The following GPHN variants were observed in gnomAD, a reference collection of about 807,000 sequenced individuals.
GPHN encodes the protein gephyrin.
GPHN carries 17 observed loss-of-function variants against 95.5 expected under a neutral mutation model. That is an observed-to-expected ratio of 0.18 (90% CI 0.12 to 0.27). The LOEUF (loss-of-function observed/expected upper bound fraction) is 0.27, where lower values mean the gene tolerates loss of function less well. Among genes scored for constraint, GPHN ranks in the 10% least tolerant of loss-of-function variants. GPHN has a pLI of 1.00. For missense variants in GPHN, 660 were observed against 978.1 expected, an observed-to-expected ratio of 0.67 and a Z score of 4.34; for synonymous variants, 320 against 322.5, an observed-to-expected ratio of 0.99 and a Z score of 0.08.
chr14:67,578,593 G>C, the GPHN span: 2 of 1,611,874 alleles, frequency 1.2e-6, no homozygotes, highest in Non-Finnish European at 1.7e-6. The surrounding 1 kb of genome is among the most constrained non-coding windows in gnomAD (Gnocchi z 5.0). Context: ...ACTTCCTCTG[G>C]TATGTCAAGC....
the GPHN span, among the ~76,000 whole-genome samples, chr14:67,211,806 T>A: frequency 6.6e-6 from 1 of 152,102 alleles, no homozygotes; most frequent in East Asian, 1.9e-4. Context: ...ATCAAGCCAT[T>A]GCACTCCAGC....
the GPHN span, among the ~76,000 whole-genome samples, chr14:67,406,771 A>G: frequency 6.6e-6 from 1 of 152,190 alleles, no homozygotes; most frequent in South Asian, 2.1e-4. Flanking sequence ...GTTCTGCTCT[A>G]CAGATAAACC....
At chr14:67,584,147 G>GC in the GPHN span, 1 of 1,609,674 alleles carries the variant, frequency 6.2e-7, no homozygotes, top group African/African-American at 1.3e-5. Context: ...GGAAGGAGCT[G>GC]CCCACACCCT....
At chr14:67,165,058 GT>G (rs2082196623) in intron 19 of GPHN, 103 bp from the exon 20 acceptor site, 4 of 796,144 alleles carry the variant, frequency 5.0e-6, no homozygotes, top group South Asian at 4.3e-5. Flanking sequence ...ACAGAAAAGT[GT>G]TTTTTATATG....
chr14:67,533,037 G>A, the GPHN span, among the ~76,000 whole-genome samples: 1 of 152,092 alleles, frequency 6.6e-6, no homozygotes, highest in Non-Finnish European at 1.5e-5. Flanking sequence ...CAGCGGTGCG[G>A]AGAAGTGGGA....
the GPHN span, among the ~76,000 whole-genome samples, chr14:67,632,126 A>G: frequency 2.2e-3 from 328 of 152,146 alleles, 2 homozygotes; most frequent in Middle Eastern, 0.027. Context: ...GACTCAAGCA[A>G]TTTTCCCACC....
intron 2 of GPHN, among the ~76,000 whole-genome samples, chr14:66,702,895 G>A (rs551181252): frequency 2.6e-5 from 4 of 152,134 alleles, no homozygotes; most frequent in Non-Finnish European, 4.4e-5. Context: ...TAAGAACGTT[G>A]ATAAAAGGTT....
intron 2 of GPHN, among the ~76,000 whole-genome samples, chr14:66,682,481 G>GT (rs1264385985): frequency 6.6e-6 from 1 of 152,194 alleles, no homozygotes; most frequent in African/African-American, 2.4e-5. Context: ...GCCAGGCGTG[G>GT]TGGCTCATGC....
chr14:66,831,240 T>A (rs1204100636), intron 4 of GPHN, among the ~76,000 whole-genome samples: 6 of 152,144 alleles, frequency 3.9e-5, no homozygotes, highest in Non-Finnish European at 1.5e-5. Flanking sequence ...TTGTTTTTGA[T>A]AGAAAATTTG....
the GPHN span, among the ~76,000 whole-genome samples, chr14:67,366,769 A>G: frequency 6.6e-6 from 1 of 151,984 alleles, no homozygotes; most frequent in African/African-American, 2.4e-5. Context: ...ATAACTACCT[A>G]AAGACAATGA....
intron 5 of GPHN, among the ~76,000 whole-genome samples, chr14:66,882,939 T>C (rs575457044): frequency 4.0e-4 from 61 of 151,894 alleles, no homozygotes; most frequent in African/African-American, 1.2e-3. Context: ...TCAATTCAAA[T>C]TGCTGTTTCC....
At chr14:66,807,549 G>A (rs2060594448) in intron 3 of GPHN, among the ~76,000 whole-genome samples, 1 of 152,122 alleles carries the variant, frequency 6.6e-6, no homozygotes, top group South Asian at 2.1e-4. Flanking sequence ...AACTCACTAA[G>A]AATCATTTAC....
At chr14:66,613,712 T>A (rs1158330881) in intron 1 of GPHN, among the ~76,000 whole-genome samples, 1 of 151,978 alleles carries the variant, frequency 6.6e-6, no homozygotes, top group East Asian at 1.9e-4. Flanking sequence ...ATATTAGTAT[T>A]CACAAATGTG....
chr14:67,293,981 C>CA, the GPHN span, among the ~76,000 whole-genome samples: 1 of 152,058 alleles, frequency 6.6e-6, no homozygotes, highest in East Asian at 1.9e-4. Context: ...AGAAAAGAAA[C>CA]AACTTAGCTT....
At chr14:66,967,522 G>T (rs983939460) in intron 9 of GPHN, among the ~76,000 whole-genome samples, 1 of 151,758 alleles carries the variant, frequency 6.6e-6, no homozygotes, top group South Asian at 2.1e-4. Context: ...GACCAGAAGT[G>T]TTTCAGATTT....
intron 2 of GPHN, among the ~76,000 whole-genome samples, chr14:66,692,285 T>C (rs576583407): frequency 2.0e-5 from 3 of 152,322 alleles, no homozygotes; most frequent in Admixed American, 2.0e-4. Flanking sequence ...TCATATGCTC[T>C]GGTCATTAGG....
the GPHN span, among the ~76,000 whole-genome samples, chr14:67,489,962 C>T: frequency 6.6e-6 from 1 of 151,256 alleles, no homozygotes; most frequent in Non-Finnish European, 1.5e-5. Context: ...TGCACTCCAG[C>T]CTGGGCGACA....
Position 66,776,526 on chromosome 14 carries a change from A to G in GPHN, c.201+5A>G, listed in dbSNP as rs1335190499. On this transcript the variant is annotated splice_donor_5th_base_variant and intron_variant, in intron 3 of 22. Coordinates refer to ENST00000478722, the MANE Select transcript of GPHN (RefSeq NM_020806.5). ...GATGAAATAGAAGAAATCAAGGTAT[A>G]GTATGGCATTTTTCACCTCTACAAA... 1 of 1,539,222 alleles carries G rather than the reference A, an allele frequency of 6.5e-7. No individual in the cohort carries two copies. The highest frequency in any genetic ancestry group is 9.0e-7 in the Non-Finnish European group (1 of 1,112,612).
At chr14:67,431,410 A>AACAAAAAAAAC in the GPHN span, among the ~76,000 whole-genome samples, 1 of 109,306 alleles carries the variant, frequency 9.1e-6, no homozygotes, top group African/African-American at 3.7e-5. Flanking sequence ...AAAAAAAAAA[A>AACAAAAAAAAC]AAAAAAAAAA....
Sources: gnomAD v4.1 joint callset for allele counts (sites outside exome capture counted in the v4.1 genomes callset) on GRCh38, gnomAD v4.1.1 for gene constraint, Gnocchi (gnomAD v3.1) non-coding constraint, MANE v1.5 for transcripts, NCBI Gene and HGNC (gene_info 2026-07-23, HGNC 2026-07-21) for gene names.